SYNE2: variants seen among roughly 807,000 people sequenced by gnomAD.
The protein encoded by SYNE2 is spectrin repeat containing nuclear envelope protein 2, also known as nesprin-2.
SYNE2 carries 431 observed loss-of-function variants against 856.3 expected under a neutral mutation model. That is an observed-to-expected ratio of 0.50 (90% CI 0.47 to 0.55). The LOEUF is 0.55. Ranked by LOEUF, SYNE2 falls within the 20% of genes least tolerant of loss-of-function variation. SYNE2 has a pLI of 0.00. For synonymous variants in SYNE2, 2,923 were observed against 2,872.3 expected, an observed-to-expected ratio of 1.02 and a Z score of -0.56; for missense variants, 8,129 against 8,023.2, an observed-to-expected ratio of 1.01 and a Z score of -0.50.
intron 1 of SYNE2, among the ~76,000 whole-genome samples, chr14:63,767,863 C>A (rs1314815259): frequency 2.6e-5 from 4 of 152,114 alleles, no homozygotes; most frequent in Non-Finnish European, 5.9e-5. Flanking sequence ...CATGATACAT[C>A]ATTTCACATT....
Position 64,083,296 on chromosome 14 carries a change from A to C in SYNE2, c.11484+1716A>C, listed in dbSNP as rs569941148. Among the ~76,000 whole-genome samples, 74 of 149,988 alleles carry C rather than the reference A, an allele frequency of 4.9e-4. 1 individual carries two copies. The highest frequency in any genetic ancestry group is 1.4e-3 in the African/African-American group (58 of 40,844). On this transcript the variant is annotated intron_variant, in intron 57 of 115. Transcript: ENST00000555002. ...ACTTTCCACATCCCCAAAGTTTGTC[A>C]TTTTTAAACTCTTTATCACCTCCCT...
chr14:64,219,097 T>G (rs1309645459), intron 109 of SYNE2, 111 bp from the exon 110 acceptor site: 17 of 815,006 alleles, frequency 2.1e-5, no homozygotes, highest in Non-Finnish European at 2.8e-5. Context: ...TCCCCTACAG[T>G]TTTTTTGTTT....
intron 76 of SYNE2, 28 bp downstream of exon 76, chr14:64,130,276 C>T: frequency 6.3e-7 from 1 of 1,575,558 alleles, no homozygotes; most frequent in East Asian, 2.3e-5. Flanking sequence ...GTCGGGTGAC[C>T]CCTTCATAGA....
intron 2 of SYNE2, among the ~76,000 whole-genome samples, chr14:63,922,793 GAT>G (rs1476215758): frequency 1.3e-5 from 2 of 152,204 alleles, no homozygotes; most frequent in Non-Finnish European, 2.9e-5. Flanking sequence ...CACAAAGTGA[GAT>G]ATGTGAAGCC....
Position 64,158,758 on chromosome 14 carries a change from C to T in SYNE2, c.15926C>T (p.Ser5309Leu). The stretch of plus-strand genomic sequence containing the variant: ...GAACACAGCAAGCCTGTGGTGTTAT[C>T]ATTGGAGACCTTGAGATGCCAGGTG... ...CMEHSKPVVL[S>L]LETLRCQVEN... The change falls in exon 86 of 116, where the codon TCA becomes TTA. Residue 5309 changes from serine to leucine, a missense_variant. Around this residue, in one of 3 missense-constraint regions of SYNE2, gnomAD observed 5,410 missense variants for 5,284.8 expected, o/e 1.02. Coordinates refer to ENST00000555002, the MANE Select transcript of SYNE2 (RefSeq NM_182914.3). The T allele has an allele frequency of 6.2e-7, 1 of 1,613,982 alleles. No homozygotes were observed. Among genetic ancestry groups the T allele is most frequent in the Non-Finnish European group, 8.5e-7 (1 of 1,179,898 alleles).
intron 41 of SYNE2, among the ~76,000 whole-genome samples, chr14:64,025,635 TAGAG>T (rs961736448): frequency 1.3e-5 from 2 of 152,166 alleles, no homozygotes; most frequent in African/African-American, 4.8e-5. Flanking sequence ...TGTCCTGTCT[TAGAG>T]AGAGCAGTGT....
chr14:64,164,077 G>T (rs1475686220), intron 89 of SYNE2, among the ~76,000 whole-genome samples: 1 of 139,194 alleles, frequency 7.2e-6, no homozygotes, highest in Non-Finnish European at 1.6e-5. Flanking sequence ...CCACCACCAC[G>T]CCTGGCTTGC....
At chr14:63,782,467 CA>C (rs35413633) in intron 1 of SYNE2, among the ~76,000 whole-genome samples, 63 of 49,632 alleles carry the variant, frequency 1.3e-3, no homozygotes, top group East Asian at 2.1e-3. Context: ...AACTCCATCT[CA>C]AAAAAAAAAA....
chr14:63,882,961 A>G (rs1024690798), intron 1 of SYNE2, among the ~76,000 whole-genome samples: 2 of 150,884 alleles, frequency 1.3e-5, no homozygotes, highest in Non-Finnish European at 2.9e-5. Flanking sequence ...CATAATGTAT[A>G]TAAATGCTTA....
At chr14:63,883,752 A>G (rs1307767213) in intron 1 of SYNE2, among the ~76,000 whole-genome samples, 2 of 152,122 alleles carry the variant, frequency 1.3e-5, no homozygotes, top group Non-Finnish European at 2.9e-5. Flanking sequence ...CTACAGGGCT[A>G]TTTTGAATTT....
chr14:64,130,903 G>T (rs1487017091), intron 76 of SYNE2, among the ~76,000 whole-genome samples: 3 of 148,684 alleles, frequency 2.0e-5, no homozygotes, highest in Non-Finnish European at 4.5e-5. Flanking sequence ...AAAAAAAGAA[G>T]AAAAGGCTTT....
In SYNE2 at chr14:64,055,981, A is replaced by T; in HGVS notation, c.9782A>T (p.Tyr3261Phe). The change falls in exon 49 of 116, where the codon TAT becomes TTT. Residue 3261 changes from tyrosine (Y) to phenylalanine (F), a missense_variant. By Grantham distance (22) the Tyr-to-Phe change is conservative. Coordinates refer to ENST00000555002, the MANE Select transcript of SYNE2 (RefSeq NM_182914.3). The stretch of plus-strand genomic sequence containing the variant: ...GATGCTTATGAAAATCTAACACGCT[A>T]TAAAGAAGCAGTCACCAGGGCAGTG... The part of the protein sequence containing the change: ...LNDAYENLTR[Y>F]KEAVTRAVES... 1 of 1,614,084 alleles carries T rather than the reference A, an allele frequency of 6.2e-7. No homozygotes were observed. The highest frequency in any genetic ancestry group is 1.7e-5 in the Admixed American group (1 of 60,026).
chr14:64,084,068 G>T (rs935247253), intron 57 of SYNE2, among the ~76,000 whole-genome samples: 1 of 151,978 alleles, frequency 6.6e-6, no homozygotes, highest in Non-Finnish European at 1.5e-5. Flanking sequence ...GAGATTACAG[G>T]CGTGTGCCAC....
Position 63,997,070 on chromosome 14 carries a change from T to G in SYNE2, c.3064T>G (p.Tyr1022Asp), listed in dbSNP as rs1381080508. 6.2e-7 allele frequency: 1 copy of G among 1,614,064 alleles called. No individual in the cohort carries two copies. Among genetic ancestry groups the G allele is most frequent in the Non-Finnish European group, 8.5e-7 (1 of 1,179,992 alleles). ...AGAAGTGAAGAGACTACTCAAAGATTATGAACAAAAGATAGAAAGACTTCT... is the reference window on the plus strand; with the variant it reads ...AGAAGTGAAGAGACTACTCAAAGATGATGAACAAAAGATAGAAAGACTTCT... ...QQEVKRLLKD[Y>D]EQKIERLLKC... The change falls in exon 24 of 116, where the codon TAT becomes GAT. Residue 1022 changes from tyrosine (Y) to aspartate (D), a missense_variant. By Grantham distance (160) the Tyr-to-Asp change is radical (BLOSUM62 -3). Coordinates refer to ENST00000555002, the MANE Select transcript of SYNE2 (RefSeq NM_182914.3).
chr14:64,217,897 C>T (rs774716800), intron 108 of SYNE2, among the ~76,000 whole-genome samples: 8 of 152,108 alleles, frequency 5.3e-5, no homozygotes, highest in East Asian at 1.9e-4. Flanking sequence ...TCAGTATGTG[C>T]GGTGAAAGAT....
At chr14:64,165,872 A>C (rs975287867) in intron 90 of SYNE2, among the ~76,000 whole-genome samples, 2 of 152,144 alleles carry the variant, frequency 1.3e-5, no homozygotes, top group Non-Finnish European at 2.9e-5. Flanking sequence ...ATTTTCCCTC[A>C]GGCCTAGAAA....
chr14:64,194,612 A>G (rs976795283), intron 99 of SYNE2, among the ~76,000 whole-genome samples: 6 of 152,146 alleles, frequency 3.9e-5, no homozygotes, highest in African/African-American at 1.4e-4. Flanking sequence ...AGCCTTTGAT[A>G]ACGTCTTTGA....
intron 10 of SYNE2, among the ~76,000 whole-genome samples, chr14:63,967,074 C>T (rs2096403639): frequency 6.6e-6 from 1 of 152,008 alleles, no homozygotes; most frequent in Admixed American, 6.5e-5. Flanking sequence ...TCATGTTGGC[C>T]AGGATGGTCT....
chr14:63,814,308 AC>A (rs1195727096), intron 1 of SYNE2, among the ~76,000 whole-genome samples: 1 of 150,110 alleles, frequency 6.7e-6, no homozygotes, highest in Non-Finnish European at 1.5e-5. Context: ...AAAGAACAGA[AC>A]AAAACAAAAC....
Sources: allele counts gnomAD v4.1 joint callset (sites outside exome capture counted in the v4.1 genomes callset), GRCh38; gene constraint gnomAD v4.1.1; regional missense constraint gnomAD v4.1.1; transcripts MANE v1.5; gene names NCBI Gene and HGNC (gene_info 2026-07-23, HGNC 2026-07-21).